Variants in FNDC4 observed in about 807,000 individuals in gnomAD.
FNDC4 encodes fibronectin type III domain containing 4.
In FNDC4, 11 loss-of-function variants were observed where a neutral mutation model predicts 25.1. The observed-to-expected ratio is 0.44, with a 90% confidence interval of 0.28 to 0.73. FNDC4 has a LOEUF of 0.73. Among genes scored for constraint, FNDC4 ranks in the 30% least tolerant of loss-of-function variants. The pLI is 0.16. For missense variants in FNDC4, 250 were observed against 304.3 expected (o/e 0.82, Z 1.33); for synonymous variants, 136 against 118.8 (o/e 1.14, Z -0.94).
chr2:27,494,435 G>A lies in FNDC4; in HGVS notation c.165C>T (p.Val55=), dbSNP rs534163260. 6.2e-7 allele frequency: 1 copy of A among 1,614,200 alleles called. No individual in the cohort carries two copies. The highest frequency in any genetic ancestry group is 8.5e-7 in the Non-Finnish European group (1 of 1,180,032). ...DRPPSPVNVT[V]THLRANSATV... is the part of the protein sequence containing the mutation. Reference sequence around the variant, plus strand: ...TGGCCGAGTTGGCTCTGAGGTGAGTGACCGTCACATTCACAGGAGAGGGAG... The same window carrying A: ...TGGCCGAGTTGGCTCTGAGGTGAGTAACCGTCACATTCACAGGAGAGGGAG... The change falls in exon 3 of 7, where the codon GTC becomes GTT. Residue 55 remains valine (V), a synonymous_variant. Transcript: ENST00000264703. The surrounding 1 kb of genome is among the most constrained non-coding windows in gnomAD (Gnocchi z 4.6).
Position 27,494,764 on chromosome 2 carries a change from G to A in FNDC4, c.-24-61C>T, listed in dbSNP as rs1053815166. The A allele has an allele frequency of 2.1e-5, 16 of 744,208 alleles. 1 individual carries two copies. The highest frequency in any genetic ancestry group is 3.4e-5 in the Non-Finnish European group (16 of 464,720). The allele number at this position is 744,208 out of a possible 1,614,324, so 46.1% of individuals were successfully genotyped here. On this transcript the variant is annotated intron_variant, in intron 1 of 6. Coordinates refer to ENST00000264703, the MANE Select transcript of FNDC4 (RefSeq NM_022823.3). The surrounding 1 kb of genome is among the most constrained non-coding windows in gnomAD (Gnocchi z 4.6). Reference sequence around the variant, plus strand: ...GCCCAGAACGCACGGAGGTCGGGGGGCAGCAGCTCTCCTGGGCTCCCCACA... The same window carrying A: ...GCCCAGAACGCACGGAGGTCGGGGGACAGCAGCTCTCCTGGGCTCCCCACA...
At position 27,492,153 on chromosome 2, in the gene FNDC4, C is replaced by T; in HGVS notation, c.*290G>A. On this transcript the variant is annotated 3_prime_UTR_variant, in exon 7 of 7. Coordinates refer to ENST00000264703, the MANE Select transcript of FNDC4 (RefSeq NM_022823.3). The surrounding 1 kb of genome is among the most constrained non-coding windows in gnomAD (Gnocchi z 4.1). ...GTCCTGATACAGGTGAAATGGGGCC[C>T]CCATTTGGGACCTAATGGAGTAGGG... is the stretch of plus-strand genomic sequence containing the variant. 2 of 468,630 alleles carry T rather than the reference C, an allele frequency of 4.3e-6. No individual in the cohort carries two copies. The highest frequency in any genetic ancestry group is 8.0e-5 in the South Asian group (2 of 25,094). The allele number at this position is 468,630 out of a possible 1,614,324, so 29.0% of individuals were successfully genotyped here.
At chr2:27,493,302 G>C in intron 5 of FNDC4, 87 bp downstream of exon 5, 6 of 1,082,482 alleles carry the variant, frequency 5.5e-6, no homozygotes, top group South Asian at 1.3e-5. Flanking sequence ...GTGAGCCACT[G>C]TATCTCTCAC....
rs1424518550 is a variant in FNDC4, at chr2:27,493,533, G to C, written c.455-55C>G. 4 of 1,281,192 alleles carry C rather than the reference G, an allele frequency of 3.1e-6. No homozygotes were observed. The African/African-American group carries it at 4.4e-5, about 14-fold the overall frequency. The allele number at this position is 1,281,192 out of a possible 1,614,324, so 79.4% of individuals were successfully genotyped here. The stretch of plus-strand genomic sequence containing the variant: ...CCAGGTTACTGGGGTCCATACTGCA[G>C]ACATGCAGGATGGAGATGCTGGGGA... On this transcript the variant is annotated intron_variant, in intron 4 of 6. Transcript: ENST00000264703.
chr2:27,493,201 C>T (rs976583062), intron 5 of FNDC4, among the ~76,000 whole-genome samples, 188 bp downstream of exon 5: 1 of 151,830 alleles, frequency 6.6e-6, no homozygotes. Flanking sequence ...TTAGTAGAGA[C>T]GGGTTTCACC....
In FNDC4 at chr2:27,491,993, T is replaced by A. The variant is rs528317521; in HGVS notation, c.*450A>T. ...AGCACCTGAGGCTCCATGGAAGACA[T>A]TGGAGTAGTGCAGTGCAGCATCTGC... On this transcript the variant is annotated 3_prime_UTR_variant, in exon 7 of 7. Coordinates refer to ENST00000264703, the MANE Select transcript of FNDC4 (RefSeq NM_022823.3). 5.8e-6 allele frequency: 1 copy of A among 172,810 alleles called. No individual in the cohort carries two copies. The highest frequency in any genetic ancestry group is 5.6e-5 in the Admixed American group (1 of 17,790). 10.7% of individuals were successfully genotyped at this position (172,810 alleles called of 1,614,324 possible).
At chr2:27,493,787 C>T in intron 4 of FNDC4, 143 bp downstream of exon 4, 1 of 834,600 alleles carries the variant, frequency 1.2e-6, no homozygotes, top group Non-Finnish European at 1.9e-6. Context: ...CCCCTTCCCA[C>T]CTGCTTTTCT....
Position 27,494,655 on chromosome 2 carries a change from G to C in FNDC4, c.25C>G (p.Pro9Ala). The change falls in exon 2 of 7, where the codon CCC (proline) becomes GCC (alanine). Residue 9 changes from proline (P) to alanine (A), a missense_variant. Physicochemically the swap from Pro to Ala is conservative, Grantham distance 27. Transcript: ENST00000264703. This position sits in a 1 kb window ranked among gnomAD's most constrained non-coding sequence, Gnocchi z 4.6. ...ATGTCCCCACGGAGTCCGCTGGGGGGGGAACTGTGGCATCCGCTTGGCATC... is the reference window on the plus strand; with the variant it reads ...ATGTCCCCACGGAGTCCGCTGGGGGCGGAACTGTGGCATCCGCTTGGCATC... Reference protein sequence around the residue: MPSGCHSSPPSGLRGDMAS... With the variant: MPSGCHSSAPSGLRGDMAS... 1.3e-6 allele frequency: 2 copies of C among 1,572,926 alleles called. No homozygotes were observed. The highest frequency in any genetic ancestry group is 1.7e-6 in the Non-Finnish European group (2 of 1,162,622).
rs750977487 is a variant in FNDC4 at position 27,494,463 on chromosome 2, C to T, written c.137G>A (p.Arg46Gln). The T allele has an allele frequency of 1.9e-6, 3 of 1,614,024 alleles. No individual in the cohort carries two copies. The highest frequency in any genetic ancestry group is 2.2e-5 in the East Asian group (1 of 44,854). Residue 46 changes from arginine (R) to glutamine (Q), a missense_variant, in exon 3 of 7, where the codon CGG (arginine) becomes CAG (glutamine). Transcript: ENST00000264703. The surrounding 1 kb of genome is among the most constrained non-coding windows in gnomAD (Gnocchi z 4.6). ...CGTCACATTCACAGGAGAGGGAGGC[C>T]GGTCTGCGGGAGCCAGGGTGTTTAA... is the stretch of plus-strand genomic sequence containing the variant. Reference protein sequence around the residue: ...SCDLGFVRADRPPSPVNVTVT... With the variant: ...SCDLGFVRADQPPSPVNVTVT...
rs1669297320 is a variant in FNDC4 at position 27,493,000 on chromosome 2, TCTTA to T, written c.545-214_545-211del. 1.4e-5 allele frequency among the ~76,000 whole-genome samples: 2 copies of T among 143,820 alleles called. No individual in the cohort carries two copies. The highest frequency in any genetic ancestry group is 7.1e-5 in the Admixed American group (1 of 14,024). The allele number at this position is 143,820 out of a possible 152,430, so 94.4% of individuals were successfully genotyped here. A position where few individuals can be genotyped will look rare whatever the true frequency, so the allele number is the denominator to read the frequency against. ...GTATCTCCCCACTCCACTCTATTTC[TCTTA>T]CTTTTTTTTTTTTTTTTTTTTTGAG... On this transcript the variant is annotated intron_variant, in intron 5 of 6. Coordinates refer to ENST00000264703, the MANE Select transcript of FNDC4 (RefSeq NM_022823.3). This position sits in a 1 kb window ranked among gnomAD's most constrained non-coding sequence, Gnocchi z 4.1.
In FNDC4 at chr2:27,494,830, G is replaced by GC. The variant is rs1669345088; in HGVS notation, c.-25+47dup. ...ATTTTCTCTACGCCCTCCCGCCCCC[G>GC]CATTGCCCGGGCGGCCCCAGAGTGC... On this transcript the variant is annotated intron_variant, in intron 1 of 6. Transcript: ENST00000264703. This position sits in a 1 kb window ranked among gnomAD's most constrained non-coding sequence, Gnocchi z 4.6. 1.8e-6 allele frequency: 1 copy of GC among 566,064 alleles called. No individual in the cohort carries two copies. Among genetic ancestry groups the GC allele is most frequent in the African/African-American group, 1.9e-5 (1 of 52,032 alleles). The allele number at this position is 566,064 out of a possible 1,614,324, so 35.1% of individuals were successfully genotyped here. A position where few individuals can be genotyped will look rare whatever the true frequency, so the allele number is the denominator to read the frequency against.
chr2:27,494,330 G>T lies in FNDC4; in HGVS notation c.249+21C>A. 1 of 1,582,834 alleles carries T rather than the reference G, an allele frequency of 6.3e-7. No individual in the cohort carries two copies. Among genetic ancestry groups the T allele is most frequent in the Non-Finnish European group, 8.7e-7 (1 of 1,151,644 alleles). On this transcript the variant is annotated intron_variant, in intron 3 of 6. Transcript: ENST00000264703. The surrounding 1 kb of genome is among the most constrained non-coding windows in gnomAD (Gnocchi z 4.6). ...CGAAATCCAAGGACACAGGTTGGGG[G>T]AGCAGAAGGGTGATTCATACTTGCT...
rs922889432 is a variant in FNDC4 at position 27,494,755 on chromosome 2, G to T, written c.-24-52C>A. 6.9e-6 allele frequency: 6 copies of T among 863,364 alleles called. 1 individual carries two copies. Among genetic ancestry groups the T allele is most frequent in the Non-Finnish European group, 1.0e-5 (6 of 571,934 alleles). 53.5% of individuals were successfully genotyped at this position (863,364 alleles called of 1,614,324 possible). ...TCAAGGACTGCCCAGAACGCACGGA[G>T]GTCGGGGGGCAGCAGCTCTCCTGGG... is the stretch of plus-strand genomic sequence containing the variant. On this transcript the variant is annotated intron_variant, in intron 1 of 6. Transcript: ENST00000264703. This position sits in a 1 kb window ranked among gnomAD's most constrained non-coding sequence, Gnocchi z 4.6.
rs1309186980 is a variant in FNDC4 at position 27,492,770 on chromosome 2, G to A, written c.565C>T (p.Arg189Cys). 2.5e-6 allele frequency: 4 copies of A among 1,613,904 alleles called. No homozygotes were observed. The highest frequency in any genetic ancestry group is 2.2e-5 in the East Asian group (1 of 44,846). Residue 189 changes from arginine (R) to cysteine (C), a missense_variant, in exon 6 of 7, where the codon CGT becomes TGT. By Grantham distance (180) the Arg-to-Cys change is radical. Transcript: ENST00000264703. The surrounding 1 kb of genome is among the most constrained non-coding windows in gnomAD (Gnocchi z 4.1). Reference protein sequence around the residue: ...MWAAVIGLFCRQYDIIKDNDS... With the variant: ...MWAAVIGLFCCQYDIIKDNDS... ...TTGTCCTTGATGATGTCATACTGAC[G>A]GCAGAACAGCCCAATTACAGCTGAA... is the stretch of plus-strand genomic sequence containing the variant.
Position 27,492,317 on chromosome 2 carries a change from G to T in FNDC4, c.*126C>A. The T allele has an allele frequency of 1.7e-6, 2 of 1,166,426 alleles. No individual in the cohort carries two copies. The highest frequency in any genetic ancestry group is 2.6e-6 in the Non-Finnish European group (2 of 776,752). 72.3% of individuals were successfully genotyped at this position (1,166,426 alleles called of 1,614,324 possible). Reference sequence around the variant, plus strand: ...CACAGTGGAAAGAGGATGGGTACCAGGCCTGAGATTGTGGGAGTGGCATTA... The same window carrying T: ...CACAGTGGAAAGAGGATGGGTACCATGCCTGAGATTGTGGGAGTGGCATTA... On this transcript the variant is annotated 3_prime_UTR_variant, in exon 7 of 7. Transcript: ENST00000264703. The surrounding 1 kb of genome is among the most constrained non-coding windows in gnomAD (Gnocchi z 4.1).
At position 27,493,980 on chromosome 2, in the gene FNDC4, A is replaced by C. The variant is rs1669319363; in HGVS notation, c.404T>G (p.Phe135Cys). Reference protein sequence around the residue: ...GESPPGPRVHFRTLKGSDRLP... With the variant: ...GESPPGPRVHCRTLKGSDRLP... ...CCGGTCAGAACCCTTGAGAGTTCGG[A>C]AGTGCACCCGGGGCCCTGGGGGACT... Residue 135 changes from phenylalanine to cysteine, a missense_variant, in exon 4 of 7, where the codon TTC (phenylalanine) becomes TGC (cysteine). Physicochemically the swap from Phe to Cys is radical, Grantham distance 205. Transcript: ENST00000264703. 6.2e-7 allele frequency: 1 copy of C among 1,614,228 alleles called. No individual in the cohort carries two copies.
chr2:27,492,077 C>T lies in FNDC4; in HGVS notation c.*366G>A, dbSNP rs1558428813. The T allele has an allele frequency of 6.3e-6, 2 of 316,544 alleles. No individual in the cohort carries two copies. The highest frequency in any genetic ancestry group is 5.5e-5 in the East Asian group (1 of 18,084). The allele number at this position is 316,544 out of a possible 1,614,324, so 19.6% of individuals were successfully genotyped here. The stretch of plus-strand genomic sequence containing the variant: ...GGTAAGAGGAGTACCCACAGAAACA[C>T]CCCTCTCTGAGGGCCAGAGGCAAGA... On this transcript the variant is annotated 3_prime_UTR_variant, in exon 7 of 7. Coordinates refer to ENST00000264703, the MANE Select transcript of FNDC4 (RefSeq NM_022823.3). The surrounding 1 kb of genome is among the most constrained non-coding windows in gnomAD (Gnocchi z 4.1).
Position 27,494,435 on chromosome 2 carries a change from G to T in FNDC4, c.165C>A (p.Val55=), listed in dbSNP as rs534163260. 18 of 1,614,080 alleles carry T rather than the reference G, an allele frequency of 1.1e-5. No individual in the cohort carries two copies. In the East Asian group the frequency reaches 4.0e-4, roughly 36 times the overall value. Residue 55 remains valine, a synonymous_variant, in exon 3 of 7, where the codon GTC becomes GTA. Transcript: ENST00000264703. The surrounding 1 kb of genome is among the most constrained non-coding windows in gnomAD (Gnocchi z 4.6). Reference sequence around the variant, plus strand: ...TGGCCGAGTTGGCTCTGAGGTGAGTGACCGTCACATTCACAGGAGAGGGAG... The same window carrying T: ...TGGCCGAGTTGGCTCTGAGGTGAGTTACCGTCACATTCACAGGAGAGGGAG... ...DRPPSPVNVT[V]THLRANSATV...
At chr2:27,493,077 C>T (rs534158479) in intron 5 of FNDC4, among the ~76,000 whole-genome samples, 2 of 145,206 alleles carry the variant, frequency 1.4e-5, no homozygotes, top group Admixed American at 7.1e-5. Flanking sequence ...GGCATGATCT[C>T]GGCTCGCTCA....
Sources: gnomAD v4.1 joint callset for allele counts (sites outside exome capture counted in the v4.1 genomes callset) on GRCh38, gnomAD v4.1.1 for gene constraint, Gnocchi (gnomAD v3.1) non-coding constraint, MANE v1.5 for transcripts, NCBI Gene and HGNC (gene_info 2026-07-23, HGNC 2026-07-21) for gene names.